Variants in ADGRV1 observed in about 807,000 individuals in gnomAD.
ADGRV1 encodes the protein G-protein coupled receptor 98.
ADGRV1 carries 359 observed loss-of-function variants against 596.2 expected under a neutral mutation model. That is an observed-to-expected ratio of 0.60 (90% confidence interval 0.55 to 0.66). The LOEUF (loss-of-function observed/expected upper bound fraction) is 0.66, where lower values mean the gene tolerates loss of function less well. Among genes scored for constraint, ADGRV1 ranks in the 30% least tolerant of loss-of-function variants. The probability of loss-of-function intolerance (pLI) is 0.00; values close to 1 mark genes in which losing one functional copy is unlikely to be tolerated. For missense variants in ADGRV1, 7,274 were observed against 7,575.6 expected (o/e 0.96, Z 1.48); for synonymous variants, 2,681 against 2,679.2 (o/e 1.00, Z -0.02).
chr5:90,932,348 C>T (rs1775324206), intron 83 of ADGRV1, among the ~76,000 whole-genome samples: 1 of 152,120 alleles, frequency 6.6e-6, no homozygotes, highest in Non-Finnish European at 1.5e-5. Context: ...GCTGACTTTC[C>T]CCAATAAAAA....
At position 90,829,172 on chromosome 5, in the gene ADGRV1, A is replaced by G; in HGVS notation, c.16597A>G (p.Asn5533Asp). ...TGGGACAGGACTAATGATGTCTGTT[A>G]ACTTTAGTACCCAGGTAAGCATGGA... ...DSGTGLMMSV[N>D]FSTQELRSAE... The change falls in exon 77 of 90, where the codon AAC becomes GAC. Residue 5533 changes from asparagine (N) to aspartate (D), a missense_variant. Transcript: ENST00000405460. The G allele has an allele frequency of 2.6e-6, 4 of 1,540,658 alleles. No individual in the cohort carries two copies. The highest frequency in any genetic ancestry group is 3.5e-6 in the Non-Finnish European group (4 of 1,135,122).
chr5:90,839,485 T>A lies in ADGRV1; in HGVS notation c.16612-1093T>A, dbSNP rs202121007. Reference sequence around the variant, plus strand: ...CACCTCAGCCTCCCAAAGTGCTGGGTTTACAGGTGTGAGTCACCACACCCA... The same window carrying A: ...CACCTCAGCCTCCCAAAGTGCTGGGATTACAGGTGTGAGTCACCACACCCA... On this transcript the variant is annotated intron_variant, in intron 77 of 89. Coordinates refer to ENST00000405460, the MANE Select transcript of ADGRV1 (RefSeq NM_032119.4). Among the ~76,000 whole-genome samples, 16 of 152,130 alleles carry A rather than the reference T, an allele frequency of 1.1e-4. No individual in the cohort carries two copies. In the East Asian group the frequency reaches 2.9e-3, roughly 28 times the overall value.
chr5:90,691,529 C>T (rs1477888855), intron 31 of ADGRV1, among the ~76,000 whole-genome samples: 1 of 151,706 alleles, frequency 6.6e-6, no homozygotes, highest in Non-Finnish European at 1.5e-5. Flanking sequence ...GGATTACAGG[C>T]ACATGCCACC....
chr5:90,688,643 A>G (rs572044163), intron 29 of ADGRV1, among the ~76,000 whole-genome samples: 6 of 152,264 alleles, frequency 3.9e-5, no homozygotes. Flanking sequence ...TTATATATTT[A>G]TGGCACTGAG....
chr5:90,627,152 GTTTAT>G, intron 6 of ADGRV1, 54 bp from the exon 7 acceptor site: 1 of 918,868 alleles, frequency 1.1e-6, no homozygotes. Flanking sequence ...TTACACTTTA[GTTTAT>G]TTGCAGGTGT....
intron 45 of ADGRV1, among the ~76,000 whole-genome samples, chr5:90,721,496 T>A (rs1448009217): frequency 1.2e-5 from 1 of 82,298 alleles, no homozygotes; most frequent in Non-Finnish European, 2.5e-5. Flanking sequence ...AGAGCAAGAC[T>A]TGGTCTAAAA....
intron 75 of ADGRV1, among the ~76,000 whole-genome samples, chr5:90,820,835 G>A (rs1483080391): frequency 6.6e-6 from 1 of 151,982 alleles, no homozygotes; most frequent in Non-Finnish European, 1.5e-5. Flanking sequence ...CTTTCTCTCT[G>A]GCTGCCCTTA....
chr5:90,563,271 A>G (rs1040262917), intron 1 of ADGRV1, among the ~76,000 whole-genome samples: 1 of 152,242 alleles, frequency 6.6e-6, no homozygotes, highest in Admixed American at 6.5e-5. Context: ...ATTTGGTTAC[A>G]TGCAACGAAG....
intron 67 of ADGRV1, among the ~76,000 whole-genome samples, chr5:90,786,652 G>T (rs907018029): frequency 4.6e-5 from 7 of 152,128 alleles, no homozygotes; most frequent in African/African-American, 1.7e-4. Context: ...GCGAGAAGTG[G>T]GTATACATTG....
chr5:90,981,496 G>A (rs1780072153), intron 84 of ADGRV1, among the ~76,000 whole-genome samples: 1 of 152,020 alleles, frequency 6.6e-6, no homozygotes, highest in African/African-American at 2.4e-5. Context: ...GTTTTCTCTA[G>A]TACTTGGGTT....
At chr5:90,584,119 A>G (rs1758427932) in intron 1 of ADGRV1, among the ~76,000 whole-genome samples, 1 of 152,150 alleles carries the variant, frequency 6.6e-6, no homozygotes, top group Non-Finnish European at 1.5e-5. Context: ...CCTATATTAT[A>G]CAATATTTTA....
intron 61 of ADGRV1, 46 bp from the exon 62 acceptor site, chr5:90,777,859 A>C: frequency 2.0e-6 from 3 of 1,485,118 alleles, no homozygotes; most frequent in Non-Finnish European, 2.7e-6. Context: ...TAAGAAAAGT[A>C]CCTTCAACTG....
intron 79 of ADGRV1, chr5:90,850,662 C>T (rs1766395441): frequency 6.6e-6 from 1 of 152,158 alleles, no homozygotes. Context: ...TTCTTCTTTT[C>T]CATTTTCCCT....
intron 74 of ADGRV1, among the ~76,000 whole-genome samples, chr5:90,814,287 G>T (rs1186616557): frequency 6.6e-6 from 1 of 152,164 alleles, no homozygotes; most frequent in Non-Finnish European, 1.5e-5. Context: ...CCAGGGAAAT[G>T]GTCCAGGGGC....
At chr5:90,635,028 A>T in intron 9 of ADGRV1, 86 bp from the exon 10 acceptor site, 1 of 777,632 alleles carries the variant, frequency 1.3e-6, no homozygotes, top group Non-Finnish European at 2.1e-6. Context: ...ACCTACGCTT[A>T]CTTTGTCACC....
chr5:90,839,221 G>GT (rs1020019718), intron 77 of ADGRV1, among the ~76,000 whole-genome samples: 4 of 151,808 alleles, frequency 2.6e-5, no homozygotes, highest in East Asian at 1.9e-4. Flanking sequence ...TTTTTGTTTT[G>GT]TTTTTTGTTT....
chr5:90,771,322 A>C (rs1476668908), intron 59 of ADGRV1, among the ~76,000 whole-genome samples: 1 of 152,184 alleles, frequency 6.6e-6, no homozygotes, highest in East Asian at 1.9e-4. Context: ...CCTTAATCCA[A>C]ATCTTCACTC....
At chr5:90,566,452 A>G (rs916209506) in intron 1 of ADGRV1, among the ~76,000 whole-genome samples, 1 of 152,126 alleles carries the variant, frequency 6.6e-6, no homozygotes, top group Non-Finnish European at 1.5e-5. Flanking sequence ...TCAAAAATTA[A>G]TTGACTATAA....
At chr5:90,870,887 T>C (rs898109948) in intron 83 of ADGRV1, among the ~76,000 whole-genome samples, 1 of 152,210 alleles carries the variant, frequency 6.6e-6, no homozygotes, top group African/African-American at 2.4e-5. Context: ...TTCTCTTTGA[T>C]CCATGTGTTT....
Sources: allele counts gnomAD v4.1 joint callset (sites outside exome capture counted in the v4.1 genomes callset), GRCh38; gene constraint gnomAD v4.1.1; transcripts MANE v1.5; gene names NCBI Gene and HGNC (gene_info 2026-07-23, HGNC 2026-07-21).